The following DLGAP1 variants were observed in gnomAD, a reference collection of about 807,000 sequenced individuals.
DLGAP1 encodes DLG associated protein 1.
DLGAP1 carries 11 observed loss-of-function variants against 90.8 expected under a neutral mutation model. That is an observed-to-expected ratio of 0.12 (90% CI 0.08 to 0.20). DLGAP1 has a LOEUF of 0.20. Among genes scored for constraint, DLGAP1 ranks in the 10% least tolerant of loss-of-function variants. The pLI is 1.00. For missense variants in DLGAP1, 1,050 were observed against 1,333.8 expected, an observed-to-expected ratio of 0.79 and a Z score of 3.31; for synonymous variants, 558 against 540.7, an observed-to-expected ratio of 1.03 and a Z score of -0.44.
rs2067428768 is a variant in DLGAP1 at position 3,821,716 on chromosome 18, G to C, written c.958-7443C>G. On this transcript the variant is annotated intron_variant, in intron 4 of 12. Coordinates refer to ENST00000315677, the MANE Select transcript of DLGAP1 (RefSeq NM_004746.4). Reference sequence around the variant, plus strand: ...GAGTGGGTGATTAGAAAACTTGCAGGACAGCCACACCTTTAAGGGTGGCTT... The same window carrying C: ...GAGTGGGTGATTAGAAAACTTGCAGCACAGCCACACCTTTAAGGGTGGCTT... 2.0e-5 allele frequency among the ~76,000 whole-genome samples: 3 copies of C among 152,240 alleles called. No homozygotes were observed. In the South Asian group the frequency reaches 6.2e-4, roughly 32 times the overall value.
At chr18:3,619,800 G>GTT (rs11404761) in intron 7 of DLGAP1, among the ~76,000 whole-genome samples, 42 of 135,934 alleles carry the variant, frequency 3.1e-4, no homozygotes, top group African/African-American at 1.1e-3. Flanking sequence ...GCCGGAGTTG[G>GTT]TTTTTTTTTG....
chr18:4,427,951 C>G (rs910394414), intron 1 of DLGAP1, among the ~76,000 whole-genome samples: 1 of 152,110 alleles, frequency 6.6e-6, no homozygotes, highest in African/African-American at 2.4e-5. Flanking sequence ...TACTGTCAAG[C>G]CTGGATGTAA....
chr18:4,230,613 TG>T (rs1264515900), intron 1 of DLGAP1, among the ~76,000 whole-genome samples: 1 of 150,538 alleles, frequency 6.6e-6, no homozygotes, highest in African/African-American at 2.4e-5. Flanking sequence ...GAAAATAGAA[TG>T]ATGGTTGTCA....
intron 2 of DLGAP1, among the ~76,000 whole-genome samples, chr18:4,072,176 A>G (rs1249903225): frequency 6.6e-6 from 1 of 152,066 alleles, no homozygotes; most frequent in Non-Finnish European, 1.5e-5. Context: ...CTTGGAGTCT[A>G]TGTTTTTCTG....
chr18:3,601,560 C>T (rs1418287158), intron 7 of DLGAP1, among the ~76,000 whole-genome samples: 1 of 151,750 alleles, frequency 6.6e-6, no homozygotes, highest in Non-Finnish European at 1.5e-5. Context: ...ATAAAACCTA[C>T]GGCTGGGCAT....
At chr18:4,418,663 T>C (rs1444950200) in intron 1 of DLGAP1, among the ~76,000 whole-genome samples, 2 of 151,636 alleles carry the variant, frequency 1.3e-5, no homozygotes, top group Non-Finnish European at 2.9e-5. Flanking sequence ...CAAATAGAAA[T>C]ATATAGAGAA....
intron 7 of DLGAP1, among the ~76,000 whole-genome samples, chr18:3,619,685 T>A (rs150499476): frequency 6.6e-6 from 1 of 151,832 alleles, no homozygotes. Flanking sequence ...AGGGGAAAAT[T>A]TGGCTTTACC....
intron 1 of DLGAP1, among the ~76,000 whole-genome samples, chr18:4,313,962 G>C (rs1165609257): frequency 1.3e-5 from 2 of 152,182 alleles, no homozygotes; most frequent in Non-Finnish European, 2.9e-5. Flanking sequence ...ATCCTTCTTT[G>C]CCATGGGGAC....
At chr18:3,893,571 C>G (rs952041428) in intron 3 of DLGAP1, among the ~76,000 whole-genome samples, 7 of 142,006 alleles carry the variant, frequency 4.9e-5, no homozygotes, top group African/African-American at 1.8e-4. Context: ...AAGAGCAAAA[C>G]TCAATCTCAA....
At chr18:4,268,781 C>A (rs973868292) in intron 1 of DLGAP1, among the ~76,000 whole-genome samples, 5 of 152,026 alleles carry the variant, frequency 3.3e-5, no homozygotes, top group African/African-American at 1.2e-4. Flanking sequence ...TTCATGTCTG[C>A]TTCTTGCTTG....
chr18:4,443,867 G>A (rs537361177), intron 1 of DLGAP1, among the ~76,000 whole-genome samples: 1 of 152,154 alleles, frequency 6.6e-6, no homozygotes, highest in Non-Finnish European at 1.5e-5. Context: ...CTGTGTTACC[G>A]TAACAATAAA....
At chr18:3,501,515 T>G (rs929851399) in intron 12 of DLGAP1, among the ~76,000 whole-genome samples, 3 of 152,198 alleles carry the variant, frequency 2.0e-5, no homozygotes, top group African/African-American at 7.2e-5. Flanking sequence ...CTCCTGTCAC[T>G]TACAGATGGT....
Position 4,113,393 on chromosome 18 carries a change from G to A in DLGAP1, c.-159+37787C>T, listed in dbSNP as rs111982767. Among the ~76,000 whole-genome samples, 706 of 152,132 alleles carry A rather than the reference G, an allele frequency of 4.6e-3. 7 individuals carry two copies. Among genetic ancestry groups the A allele is most frequent in the South Asian group, 0.025 (122 of 4,826 alleles). On this transcript the variant is annotated intron_variant, in intron 2 of 12. Transcript: ENST00000315677. ...AACTTTTTTCGAAAGTTTGTTGACC[G>A]TTTGTGAATCTTCTTTTGAGAAGTG...
At chr18:4,032,330 C>G (rs937790548) in intron 2 of DLGAP1, among the ~76,000 whole-genome samples, 3 of 152,130 alleles carry the variant, frequency 2.0e-5, no homozygotes, top group South Asian at 2.1e-4. Flanking sequence ...TCTCTGTAGT[C>G]TACCTATTGA....
chr18:3,583,225 CCTCCCTTT>C (rs2145418489), intron 7 of DLGAP1, among the ~76,000 whole-genome samples: 1 of 151,470 alleles, frequency 6.6e-6, no homozygotes, highest in East Asian at 1.9e-4. Flanking sequence ...CTCCTCCCTC[CCTCCCTTT>C]CTCTCTCTGT....
chr18:4,019,078 T>A (rs1004004193), intron 2 of DLGAP1, among the ~76,000 whole-genome samples: 2 of 152,194 alleles, frequency 1.3e-5, no homozygotes, highest in Admixed American at 1.3e-4. Context: ...ACTACAGTAA[T>A]CAACATCTAA....
At chr18:3,989,104 C>T (rs1406756620) in intron 3 of DLGAP1, among the ~76,000 whole-genome samples, 4 of 152,224 alleles carry the variant, frequency 2.6e-5, no homozygotes. Context: ...GGACCCGGTC[C>T]CTATGCTCCT....
At chr18:3,929,077 T>C (rs2072457827) in intron 3 of DLGAP1, among the ~76,000 whole-genome samples, 3 of 152,220 alleles carry the variant, frequency 2.0e-5, no homozygotes, top group Non-Finnish European at 4.4e-5. Context: ...ATTGTAAGTT[T>C]CCTGAGGTCT....
At chr18:4,427,012 T>C (rs1431468139) in intron 1 of DLGAP1, among the ~76,000 whole-genome samples, 1 of 152,248 alleles carries the variant, frequency 6.6e-6, no homozygotes, top group African/African-American at 2.4e-5. Context: ...TTAGTAGAAA[T>C]AGAATGCCTT....
Sources: allele counts gnomAD v4.1 joint callset (sites outside exome capture counted in the v4.1 genomes callset), GRCh38; gene constraint gnomAD v4.1.1; transcripts MANE v1.5; gene names NCBI Gene and HGNC (gene_info 2026-07-23, HGNC 2026-07-21).